Variants in RAD54B observed in about 807,000 individuals in gnomAD.
RAD54B encodes the protein RAD54 homolog B.
In RAD54B, 78 loss-of-function variants were observed where a neutral mutation model predicts 95.8. The ratio of observed to expected loss-of-function variants is 0.81; its 90% confidence interval spans 0.68 to 0.98. The LOEUF (loss-of-function observed/expected upper bound fraction) is 0.98, where lower values mean the gene tolerates loss of function less well. RAD54B is among the 50% of genes least tolerant of loss of function. The probability of loss-of-function intolerance (pLI) is 0.00; values close to 1 mark genes in which losing one functional copy is unlikely to be tolerated. For synonymous variants in RAD54B, 328 were observed against 354.9 expected, an observed-to-expected ratio of 0.92 and a Z score of 0.85; for missense variants, 957 against 1,056.6, an observed-to-expected ratio of 0.91 and a Z score of 1.31.
Position 94,467,415 on chromosome 8 carries a change from T to A in RAD54B, c.125A>T (p.Lys42Ile). The A allele has an allele frequency of 1.2e-6, 2 of 1,607,994 alleles. No homozygotes were observed. The highest frequency in any genetic ancestry group is 1.7e-6 in the Non-Finnish European group (2 of 1,177,152). The change falls in exon 2 of 15, where the codon AAA (lysine) becomes ATA (isoleucine). Residue 42 changes from lysine to isoleucine, a missense_variant. Transcript: ENST00000336148. ...EEITKLNPDI[K>I]LFEGVAINNT... ...CTTTTTTTGCCTTACCTCAAATAAT[T>A]TTATATCTGGATTCAGTTTTGTAAT...
chr8:94,463,159 G>C (rs1812945548), intron 2 of RAD54B, among the ~76,000 whole-genome samples: 1 of 151,198 alleles, frequency 6.6e-6, no homozygotes, highest in Non-Finnish European at 1.5e-5. Flanking sequence ...ATGGGTGACA[G>C]AGCAAGACTC....
chr8:94,422,799 G>A (rs911292829), intron 3 of RAD54B, among the ~76,000 whole-genome samples: 1 of 141,294 alleles, frequency 7.1e-6, no homozygotes, highest in African/African-American at 2.6e-5. Flanking sequence ...GGTTATTCTG[G>A]AACATAGCAA....
At position 94,458,077 on chromosome 8, in the gene RAD54B, C is replaced by G. The variant is rs192400652; in HGVS notation, c.304+191G>C. ...TTAAGCATACATCTACTATAAAGCACTTTAATCACACAGTTATTAATCCAA... is the reference window on the plus strand; with the variant it reads ...TTAAGCATACATCTACTATAAAGCAGTTTAATCACACAGTTATTAATCCAA... On this transcript the variant is annotated intron_variant, in intron 3 of 14. Transcript: ENST00000336148. Among the ~76,000 whole-genome samples the G allele has an allele frequency of 5.2e-3, 796 of 152,298 alleles. 12 individuals are homozygous for G. Among genetic ancestry groups the G allele is most frequent in the Non-Finnish European group, 8.8e-3 (600 of 68,016 alleles).
intron 2 of RAD54B, among the ~76,000 whole-genome samples, chr8:94,463,268 TAA>T (rs537405630): frequency 1.9e-4 from 24 of 123,484 alleles, no homozygotes; most frequent in Non-Finnish European, 2.6e-4. Context: ...GACTTCACCT[TAA>T]AAAAAAAAAA....
chr8:94,418,990 T>C (rs1446479224), intron 3 of RAD54B, among the ~76,000 whole-genome samples: 1 of 152,184 alleles, frequency 6.6e-6, no homozygotes. Context: ...AAATGTATCT[T>C]CATTTCCTCT....
intron 10 of RAD54B, among the ~76,000 whole-genome samples, chr8:94,389,037 T>C (rs12681366): frequency 0.36 from 54,047 of 152,064 alleles, 9,823 homozygotes; most frequent in Admixed American, 0.48. Context: ...CATTCTGTCC[T>C]ATGAAAGAAC....
At chr8:94,430,861 A>T in intron 3 of RAD54B, 5 of 985,446 alleles carry the variant, frequency 5.1e-6, no homozygotes, top group Non-Finnish European at 6.0e-6. Flanking sequence ...TTCCTAGTCC[A>T]GGATACTACA....
At chr8:94,435,685 T>C (rs1244906516) in intron 3 of RAD54B, among the ~76,000 whole-genome samples, 1 of 152,098 alleles carries the variant, frequency 6.6e-6, no homozygotes, top group Non-Finnish European at 1.5e-5. Context: ...AAGACAAGTT[T>C]AACCAAAAAA....
chr8:94,457,431 G>A (rs551946055), intron 3 of RAD54B, among the ~76,000 whole-genome samples: 2 of 152,294 alleles, frequency 1.3e-5, no homozygotes, highest in East Asian at 3.9e-4. Context: ...CAAGATAATG[G>A]CCAGTTAGGT....
At chr8:94,395,586 A>T (rs1375715976) in intron 8 of RAD54B, among the ~76,000 whole-genome samples, 1 of 152,206 alleles carries the variant, frequency 6.6e-6, no homozygotes, top group Non-Finnish European at 1.5e-5. Flanking sequence ...CAGCTAAAGG[A>T]TGGATACAAC....
intron 3 of RAD54B, among the ~76,000 whole-genome samples, chr8:94,447,727 A>G (rs930289550): frequency 6.6e-6 from 1 of 152,236 alleles, no homozygotes; most frequent in Non-Finnish European, 1.5e-5. Flanking sequence ...GATTCTGAGT[A>G]GGAACCATCT....
At chr8:94,387,187 G>T in intron 10 of RAD54B, 28 bp from the exon 11 acceptor site, 2 of 1,503,878 alleles carry the variant, frequency 1.3e-6, no homozygotes, top group South Asian at 1.4e-5. Context: ...TGTTAATGCT[G>T]GCTCAAGTTT....
Position 94,400,333 on chromosome 8 carries a change from G to A in RAD54B, c.1075C>T (p.Leu359=). ...ACCAAGCTTCCAGGTGTGACAATTA[G>A]TGTCTTCTTTATTACTGGCTTGCCT... ...YGGKPVIKKT[L]IVTPGSLVNN... Residue 359 remains leucine (L), a synonymous_variant, in exon 7 of 15, where the codon CTA becomes TTA. Coordinates refer to ENST00000336148, the MANE Select transcript of RAD54B (RefSeq NM_012415.3). 2.5e-6 allele frequency: 4 copies of A among 1,613,790 alleles called. No homozygotes were observed. Among genetic ancestry groups the A allele is most frequent in the Non-Finnish European group, 3.4e-6 (4 of 1,179,898 alleles).
At chr8:94,389,885 C>T (rs1403103488) in intron 10 of RAD54B, among the ~76,000 whole-genome samples, 1 of 152,132 alleles carries the variant, frequency 6.6e-6, no homozygotes, top group African/African-American at 2.4e-5. Context: ...CACTCAGAGC[C>T]CCCTGCTGCT....
chr8:94,458,587 C>A lies in RAD54B; in HGVS notation c.136-151G>T, dbSNP rs1481943335. 4 of 615,780 alleles carry A rather than the reference C, an allele frequency of 6.5e-6. No homozygotes were observed. The Admixed American group carries it at 1.7e-4, about 26-fold the overall frequency. The allele number at this position is 615,780 out of a possible 1,614,324, so 38.1% of individuals were successfully genotyped here. A position where few individuals can be genotyped will look rare whatever the true frequency, so the allele number is the denominator to read the frequency against. On this transcript the variant is annotated intron_variant, in intron 2 of 14. Coordinates refer to ENST00000336148, the MANE Select transcript of RAD54B (RefSeq NM_012415.3). ...ATATTTAAAAATAAATTAATATCTG[C>A]TGGGCATGGTGGCTCATGCCTGTAA...
intron 2 of RAD54B, among the ~76,000 whole-genome samples, chr8:94,460,475 A>G (rs866544277): frequency 3.3e-5 from 5 of 152,250 alleles, no homozygotes; most frequent in African/African-American, 1.2e-4. Flanking sequence ...TGCCTCAAAA[A>G]ATAAAAATAA....
rs768985733 is a variant in RAD54B, at chr8:94,399,595, CTT to C, written c.1195_1196del (p.Lys399ValfsTer12). 1 of 1,610,228 alleles carries C rather than the reference CTT, an allele frequency of 6.2e-7. No homozygotes were observed. Among genetic ancestry groups the C allele is most frequent in the South Asian group, 1.1e-5 (1 of 90,512 alleles). On this transcript the variant is annotated frameshift_variant, in exon 8 of 15. Transcript: ENST00000336148. LOFTEE classifies it high-confidence loss of function. ...TAATAAGAACAGAATAAAATATAGA[CTT>C]GATGAATTCTTCAACTTTGTGGTCC... is the stretch of plus-strand genomic sequence containing the variant. Reference protein sequence around the residue: ...DQDHKVEEFIKSIFYSVLIIS... With the variant: ...DQDHKVEEFIXSIFYSVLIIS...
At position 94,393,807 on chromosome 8, in the gene RAD54B, A is replaced by G. The variant is rs1170337255; in HGVS notation, c.1454T>C (p.Leu485Ser). The G allele has an allele frequency of 1.3e-6, 2 of 1,586,360 alleles. No individual in the cohort carries two copies. Among genetic ancestry groups the G allele is most frequent in the Admixed American group, 1.7e-5 (1 of 59,194 alleles). ...TTCATATATTTTCCTATAAGATGAC[A>G]AAGAGCCTAATATTCCTGGATTTAC... ...DFVNPGILGS[L>S]SSYRKIYEEP... The change falls in exon 9 of 15, where the codon TTG (leucine) becomes TCG (serine). Residue 485 changes from leucine (L) to serine (S), a missense_variant. Transcript: ENST00000336148.
intron 10 of RAD54B, chr8:94,387,462 G>A (rs1474867787): frequency 4.8e-6 from 1 of 208,622 alleles, no homozygotes; most frequent in Non-Finnish European, 9.4e-6. Flanking sequence ...AAAGAAAGGA[G>A]AGAGAAATAA....
Sources: allele counts gnomAD v4.1 joint callset (sites outside exome capture counted in the v4.1 genomes callset), GRCh38; gene constraint gnomAD v4.1.1; transcripts MANE v1.5; gene names NCBI Gene and HGNC (gene_info 2026-07-23, HGNC 2026-07-21).